Variants in RYR2 observed in about 807,000 individuals in gnomAD.
The protein encoded by RYR2 is ryanodine receptor 2.
A neutral mutation model predicts 601.1 loss-of-function variants in RYR2; 227 were observed. The observed-to-expected ratio is 0.38, with a 90% confidence interval of 0.34 to 0.42. RYR2 has a LOEUF of 0.42. RYR2 is among the 10% of genes least tolerant of loss of function. The probability of loss-of-function intolerance (pLI) is 1.00; values close to 1 mark genes in which losing one functional copy is unlikely to be tolerated. For missense variants in RYR2, 4,646 were observed against 6,156.5 expected (o/e 0.75, Z 8.21); for synonymous variants, 2,223 against 2,175.1 (o/e 1.02, Z -0.61).
intron 48 of RYR2, among the ~76,000 whole-genome samples, chr1:237,644,473 C>T (rs1681917137): frequency 1.3e-5 from 2 of 152,002 alleles, no homozygotes; most frequent in Admixed American, 1.3e-4. Context: ...ACCTCACGAT[C>T]CGCCTGCCTC....
intron 1 of RYR2, among the ~76,000 whole-genome samples, chr1:237,086,917 G>C (rs1666396192): frequency 6.6e-6 from 1 of 152,172 alleles, no homozygotes; most frequent in Non-Finnish European, 1.5e-5. Context: ...GCTATCCCCG[G>C]AGGAACATGA....
chr1:237,353,511 G>GA (rs61606386), intron 3 of RYR2, among the ~76,000 whole-genome samples: 1,407 of 52,684 alleles, frequency 0.027, 14 homozygotes, highest in East Asian at 0.12. Context: ...TCCGTCTCAA[G>GA]AAAAAAAAAA....
chr1:237,160,838 C>T (rs1675932493), intron 1 of RYR2, among the ~76,000 whole-genome samples: 1 of 152,072 alleles, frequency 6.6e-6, no homozygotes, highest in Non-Finnish European at 1.5e-5. Context: ...TTCTTTGTAA[C>T]TTCACTCTAA....
chr1:237,775,832 A>G (rs772227786), intron 87 of RYR2, among the ~76,000 whole-genome samples: 3 of 152,166 alleles, frequency 2.0e-5, no homozygotes, highest in Admixed American at 6.5e-5. Flanking sequence ...AGAAAAAGAA[A>G]GCAAGGCACC....
intron 24 of RYR2, among the ~76,000 whole-genome samples, chr1:237,516,500 T>C (rs1666563365): frequency 6.6e-6 from 1 of 152,122 alleles, no homozygotes; most frequent in South Asian, 2.1e-4. Context: ...TCTCTGAAGG[T>C]ATTCTCACCA....
At chr1:237,829,178 G>A (rs1663497223) in intron 102 of RYR2, among the ~76,000 whole-genome samples, 1 of 152,202 alleles carries the variant, frequency 6.6e-6, no homozygotes, top group Non-Finnish European at 1.5e-5. Context: ...TGGGCTGTGG[G>A]AAGCAAGAAA....
chr1:237,202,952 A>G (rs1191106034), intron 1 of RYR2, among the ~76,000 whole-genome samples: 2 of 152,200 alleles, frequency 1.3e-5, no homozygotes, highest in Non-Finnish European at 2.9e-5. Context: ...TTCTAAAGTA[A>G]CATAATAACA....
intron 24 of RYR2, among the ~76,000 whole-genome samples, chr1:237,513,790 G>C (rs77733360): frequency 0.01 from 1,571 of 152,206 alleles, 26 homozygotes; most frequent in East Asian, 0.049. Flanking sequence ...AGGTTTGTAC[G>C]AATATACTCT....
At chr1:237,244,124 T>C (rs1450295283) in intron 1 of RYR2, among the ~76,000 whole-genome samples, 1 of 152,174 alleles carries the variant, frequency 6.6e-6, no homozygotes, top group Non-Finnish European at 1.5e-5. Context: ...AAGAGGAATA[T>C]CAAGGTGTCT....
intron 1 of RYR2, among the ~76,000 whole-genome samples, chr1:237,086,538 C>T (rs1666351667): frequency 6.6e-6 from 1 of 152,114 alleles, no homozygotes; most frequent in Non-Finnish European, 1.5e-5. Context: ...TCCCTTCTTC[C>T]CAGTCTGTTA....
chr1:237,535,870 C>A (rs1668564155), intron 25 of RYR2, among the ~76,000 whole-genome samples: 1 of 152,076 alleles, frequency 6.6e-6, no homozygotes, highest in African/African-American at 2.4e-5. Context: ...ATAAATAATT[C>A]ATAAGATTTT....
intron 80 of RYR2, among the ~76,000 whole-genome samples, chr1:237,742,567 G>A (rs780414014): frequency 6.6e-6 from 1 of 152,162 alleles, no homozygotes; most frequent in African/African-American, 2.4e-5. Context: ...AAGCACATAT[G>A]TTCAGAATGA....
chr1:237,473,735 G>A (rs933950103), intron 17 of RYR2, among the ~76,000 whole-genome samples: 25 of 151,976 alleles, frequency 1.6e-4, no homozygotes, highest in Non-Finnish European at 3.5e-4. Flanking sequence ...CTGCCTGTGC[G>A]TTGTTTTCTC....
intron 12 of RYR2, among the ~76,000 whole-genome samples, 169 bp downstream of exon 12, chr1:237,423,417 T>C (rs1322388894): frequency 1.3e-5 from 2 of 152,194 alleles, no homozygotes; most frequent in Non-Finnish European, 2.9e-5. Flanking sequence ...AAACTGACTT[T>C]TCTAAACCAT....
chr1:237,735,079 A>G (rs1014938622), intron 79 of RYR2, among the ~76,000 whole-genome samples: 7 of 152,206 alleles, frequency 4.6e-5, no homozygotes, highest in African/African-American at 1.2e-4. Flanking sequence ...GCTAGAAGCT[A>G]TAGGACTTAT....
At chr1:237,737,910 G>A (rs1001121746) in intron 79 of RYR2, among the ~76,000 whole-genome samples, 5 of 152,192 alleles carry the variant, frequency 3.3e-5, no homozygotes, top group Non-Finnish European at 7.3e-5. Flanking sequence ...GCCAAAGATG[G>A]ATGAGTATTC....
intron 38 of RYR2, among the ~76,000 whole-genome samples, chr1:237,618,940 T>A (rs1245214963): frequency 6.6e-6 from 1 of 152,186 alleles, no homozygotes; most frequent in African/African-American, 2.4e-5. Context: ...CAGAACTTTT[T>A]ACCACTGCCC....
At chr1:237,678,220 T>A (rs952565377) in intron 61 of RYR2, 108 bp downstream of exon 61, 2 of 648,302 alleles carry the variant, frequency 3.1e-6, no homozygotes, top group South Asian at 3.5e-5. Context: ...ATGTGTATTT[T>A]ACTGCACGTA....
At position 237,754,008 on chromosome 1, in the gene RYR2, C is replaced by T. The variant is rs1573811861; in HGVS notation, c.11146-2280C>T. ...GAAGCTGTTCTCAAAGGGCAAAGTA[C>T]TGGAAAGAAATAATATTAAAGAATC... On this transcript the variant is annotated intron_variant, in intron 80 of 104. Transcript: ENST00000366574. Among the ~76,000 whole-genome samples, 9 of 149,900 alleles carry T rather than the reference C, an allele frequency of 6.0e-5. No homozygotes were observed. The South Asian group carries it at 1.7e-3, about 29-fold the overall frequency.
Sources: gnomAD v4.1 joint callset for allele counts (sites outside exome capture counted in the v4.1 genomes callset) on GRCh38, gnomAD v4.1.1 for gene constraint, MANE v1.5 for transcripts, NCBI Gene and HGNC (gene_info 2026-07-23, HGNC 2026-07-21) for gene names.